AZIN2: variants seen among roughly 807,000 people sequenced by gnomAD.
The protein encoded by AZIN2 is antizyme inhibitor 2.
In AZIN2, 28 loss-of-function variants were observed where a neutral mutation model predicts 47.8. The ratio of observed to expected loss-of-function variants is 0.59; its 90% CI spans 0.43 to 0.80. The LOEUF (loss-of-function observed/expected upper bound fraction) is 0.80. Among genes scored for constraint, AZIN2 ranks in the 30% least tolerant of loss-of-function variants. The pLI is 0.00. For synonymous variants in AZIN2, 221 were observed against 239.4 expected (o/e 0.92, Z 0.71); for missense variants, 535 against 582.5 (o/e 0.92, Z 0.84).
chr1:33,098,013 T>G lies in AZIN2; in HGVS notation c.917-54T>G, dbSNP rs1490872848. ...GAGCCCACTGTTGTGTCAGCCCCAC[T>G]ACCACCCCCTCACATTGCTACTTGT... On this transcript the variant is annotated intron_variant, in intron 9 of 11. Transcript: ENST00000294517. 2.2e-6 allele frequency: 3 copies of G among 1,359,444 alleles called. No homozygotes were observed. In the Admixed American group the frequency reaches 5.1e-5, roughly 23 times the overall value. 84.2% of individuals were successfully genotyped at this position (1,359,444 alleles called of 1,614,324 possible).
chr1:33,099,794 C>T (rs557499110), intron 10 of AZIN2, among the ~76,000 whole-genome samples: 10 of 152,320 alleles, frequency 6.6e-5, no homozygotes, highest in Admixed American at 6.5e-4. Flanking sequence ...ACGTGAGCGC[C>T]TCCAGAGTGG....
At chr1:33,158,754 C>T in the AZIN2 span, among the ~76,000 whole-genome samples, 1 of 152,210 alleles carries the variant, frequency 6.6e-6, no homozygotes, top group African/African-American at 2.4e-5. Context: ...GTCACAGAGA[C>T]CTAGGCTTGA....
chr1:33,157,662 C>A, the AZIN2 span, among the ~76,000 whole-genome samples: 1 of 152,200 alleles, frequency 6.6e-6, no homozygotes, highest in Admixed American at 6.5e-5. Context: ...CTCTTATGTA[C>A]CCTGTTGTAT....
At chr1:33,138,742 G>A in the AZIN2 span, among the ~76,000 whole-genome samples, 5 of 150,868 alleles carry the variant, frequency 3.3e-5, no homozygotes, top group African/African-American at 7.3e-5. Flanking sequence ...TTTGTGTCTT[G>A]TGTATTTTCC....
Position 33,092,128 on chromosome 1 carries a change from C to G in AZIN2, c.358C>G (p.Gln120Glu). The G allele has an allele frequency of 6.2e-7, 1 of 1,614,182 alleles. No individual in the cohort carries two copies. The highest frequency in any genetic ancestry group is 8.5e-7 in the Non-Finnish European group (1 of 1,180,028). ...CGCCAACCCCTGTAAGCAAATTGCA[C>G]AGATCAAATATGCTGCCAAGCATGG... ...ICANPCKQIA[Q>E]IKYAAKHGIQ... The change falls in exon 6 of 12, where the codon CAG (glutamine) becomes GAG (glutamate). Residue 120 changes from glutamine (Q) to glutamate (E), a missense_variant. Physicochemically the swap from Gln to Glu is conservative, Grantham distance 29. Coordinates refer to ENST00000294517, the MANE Select transcript of AZIN2 (RefSeq NM_052998.4).
chr1:33,118,275 C>T (rs549219283), intron 11 of AZIN2, 159 bp downstream of exon 11: 31 of 774,384 alleles, frequency 4.0e-5, no homozygotes, highest in Non-Finnish European at 5.6e-5. Flanking sequence ...TGGCTGTGGC[C>T]ATAAGTGAGG....
the AZIN2 span, among the ~76,000 whole-genome samples, chr1:33,151,890 G>A: frequency 2.0e-5 from 3 of 152,240 alleles, no homozygotes; most frequent in Admixed American, 1.3e-4. Context: ...CTGCTTGGCA[G>A]TGAGTGGATT....
chr1:33,139,625 C>T, the AZIN2 span, among the ~76,000 whole-genome samples: 56 of 152,320 alleles, frequency 3.7e-4, no homozygotes, highest in Non-Finnish European at 7.2e-4. Flanking sequence ...TCATTCTCCA[C>T]GTGGGATCAT....
chr1:33,086,137 G>A (rs1641868993), intron 5 of AZIN2, among the ~76,000 whole-genome samples: 1 of 152,136 alleles, frequency 6.6e-6, no homozygotes. Flanking sequence ...TGCTGAGTGT[G>A]TCTGTTGTGT....
chr1:33,132,041 A>C, the AZIN2 span, among the ~76,000 whole-genome samples: 1 of 152,208 alleles, frequency 6.6e-6, no homozygotes, highest in Admixed American at 6.5e-5. Flanking sequence ...CACAGGCATT[A>C]ATGTGACCGG....
the AZIN2 span, chr1:33,163,855 G>A: frequency 6.6e-6 from 1 of 152,468 alleles, no homozygotes; most frequent in Non-Finnish European, 1.5e-5. Flanking sequence ...CCCCAGTCCA[G>A]ACAGGAAGTG....
At chr1:33,145,883 T>G in the AZIN2 span, 2 of 471,058 alleles carry the variant, frequency 4.2e-6, no homozygotes, top group East Asian at 6.9e-5. Flanking sequence ...TTTCCCAGAC[T>G]CCCTTGCAGC....
chr1:33,158,107 C>T, the AZIN2 span: 1 of 648,278 alleles, frequency 1.5e-6, no homozygotes, highest in South Asian at 1.8e-5. Context: ...TGCAGGTGCC[C>T]AGGACAGGTC....
chr1:33,154,887 A>T, the AZIN2 span, among the ~76,000 whole-genome samples: 5 of 151,418 alleles, frequency 3.3e-5, no homozygotes, highest in Non-Finnish European at 7.4e-5. Flanking sequence ...AGGTCAGGAG[A>T]TCGAGACCAT....
At chr1:33,124,767 A>G (rs375228133), downstream of AZIN2, among the ~76,000 whole-genome samples, 60 of 152,156 alleles carry the variant, frequency 3.9e-4, no homozygotes, top group African/African-American at 1.4e-3. The surrounding 1 kb of genome is among the most constrained non-coding windows in gnomAD (Gnocchi z 4.6). Flanking sequence ...GAGAACATGC[A>G]GTATTTGGTT....
At chr1:33,161,167 A>C in the AZIN2 span, among the ~76,000 whole-genome samples, 16 of 152,244 alleles carry the variant, frequency 1.1e-4, no homozygotes, top group African/African-American at 3.9e-4. The surrounding 1 kb of genome is among the most constrained non-coding windows in gnomAD (Gnocchi z 4.3). Flanking sequence ...AGGCGCAGAG[A>C]AAGAGCCTGG....
At chr1:33,099,788 G>A (rs1383082803) in intron 10 of AZIN2, among the ~76,000 whole-genome samples, 1 of 152,172 alleles carries the variant, frequency 6.6e-6, no homozygotes, top group East Asian at 1.9e-4. Context: ...TTGGCCACGT[G>A]AGCGCCTCCA....
At chr1:33,147,567 G>A in the AZIN2 span, 9 of 1,613,914 alleles carry the variant, frequency 5.6e-6, no homozygotes, top group Non-Finnish European at 7.6e-6. This position sits in a 1 kb window ranked among gnomAD's most constrained non-coding sequence, Gnocchi z 8.1. Context: ...CGCCACTACT[G>A]AAGGCTTCAG....
intron 10 of AZIN2, among the ~76,000 whole-genome samples, chr1:33,115,478 C>T (rs986666769): frequency 2.6e-5 from 4 of 151,074 alleles, no homozygotes; most frequent in Non-Finnish European, 2.9e-5. Flanking sequence ...GCCGAGGTGG[C>T]GGATCACCTG....
Sources: gnomAD v4.1 joint callset for allele counts (sites outside exome capture counted in the v4.1 genomes callset) on GRCh38, gnomAD v4.1.1 for gene constraint, Gnocchi (gnomAD v3.1) non-coding constraint, MANE v1.5 for transcripts, NCBI Gene and HGNC (gene_info 2026-07-23, HGNC 2026-07-21) for gene names.